Variants in PCSK5 observed in about 807,000 individuals in gnomAD.
PCSK5 encodes prohormone convertase 5.
A neutral mutation model predicts 233.2 loss-of-function variants in PCSK5; 129 were observed. The observed-to-expected ratio is 0.55, with a 90% CI of 0.48 to 0.64. PCSK5 has a LOEUF of 0.64. Ranked by LOEUF, PCSK5 falls within the 30% of genes least tolerant of loss-of-function variation. The probability of loss-of-function intolerance (pLI) is 0.00; values close to 1 mark genes in which losing one functional copy is unlikely to be tolerated. For missense variants in PCSK5, 2,076 were observed against 2,430.1 expected (o/e 0.85, Z 3.06); for synonymous variants, 825 against 879.2 (o/e 0.94, Z 1.09).
intron 4 of PCSK5, 88 bp from the exon 5 acceptor site, chr9:76,026,873 T>C: frequency 9.4e-6 from 8 of 851,802 alleles, no homozygotes; most frequent in Non-Finnish European, 1.5e-5. Context: ...CTGGCAGAAA[T>C]GTATTTAAAA....
chr9:75,943,216 A>T (rs189046307), intron 2 of PCSK5, among the ~76,000 whole-genome samples: 1 of 152,256 alleles, frequency 6.6e-6, no homozygotes, highest in East Asian at 1.9e-4. Context: ...CAGATTCTAA[A>T]AAGGTAGCTG....
intron 24 of PCSK5, among the ~76,000 whole-genome samples, chr9:76,246,449 A>C (rs1301220994): frequency 6.6e-6 from 1 of 152,058 alleles, no homozygotes; most frequent in African/African-American, 2.4e-5. Flanking sequence ...GTTGTAGGAA[A>C]GCAATCACCA....
intron 20 of PCSK5, among the ~76,000 whole-genome samples, chr9:76,197,028 G>A (rs1824732560): frequency 6.6e-6 from 1 of 152,202 alleles, no homozygotes; most frequent in Non-Finnish European, 1.5e-5. Context: ...ATTGGTCCCT[G>A]AAGCATGGAT....
chr9:76,175,743 CAGAAAAAAATAA>C (rs1823585202), intron 14 of PCSK5, among the ~76,000 whole-genome samples: 1 of 150,866 alleles, frequency 6.6e-6, no homozygotes, highest in Non-Finnish European at 1.5e-5. Flanking sequence ...TTCCTGCCAA[CAGAAAAAAATAA>C]AGAGAAAAAA....
Position 76,332,496 on chromosome 9 carries a change from C to T in PCSK5, c.4634C>T (p.Ala1545Val). 6.2e-7 allele frequency: 1 copy of T among 1,612,028 alleles called. No homozygotes were observed. Residue 1545 changes from alanine (A) to valine (V), a missense_variant, in exon 34 of 38, where the codon GCC (alanine) becomes GTC (valine). Coordinates refer to ENST00000674117, the MANE Select transcript of PCSK5 (RefSeq NM_001372043.1). Reference protein sequence around the residue: ...YYADEDSNRCAHCHSSCRTCE... With the variant: ...YYADEDSNRCVHCHSSCRTCE... ...GCCGATGAGGACAGCAACCGGTGTG[C>T]CCACTGCCACAGCTCTTGCAGGACA...
rs548096747 is a variant in PCSK5, at chr9:76,337,189, T to G, written c.4749-1041T>G. Among the ~76,000 whole-genome samples, 4 of 95,044 alleles carry G rather than the reference T, an allele frequency of 4.2e-5. No homozygotes were observed. The East Asian group carries it at 8.7e-4, about 21-fold the overall frequency. The allele number at this position is 95,044 out of a possible 152,430, so 62.4% of individuals were successfully genotyped here. On this transcript the variant is annotated intron_variant, in intron 34 of 37. Coordinates refer to ENST00000674117, the MANE Select transcript of PCSK5 (RefSeq NM_001372043.1). Reference sequence around the variant, plus strand: ...ATTTTATGTTATCTTTTATTGTATTTTATTTATGACAGTCTCACTCTGTCA... The same window carrying G: ...ATTTTATGTTATCTTTTATTGTATTGTATTTATGACAGTCTCACTCTGTCA...
intron 35 of PCSK5, among the ~76,000 whole-genome samples, chr9:76,339,251 TTG>T (rs1173103452): frequency 6.6e-6 from 1 of 152,172 alleles, no homozygotes; most frequent in Non-Finnish European, 1.5e-5. Context: ...TATATTTTAA[TTG>T]TTAAAACTTT....
chr9:76,263,432 G>A (rs971175726), intron 24 of PCSK5, among the ~76,000 whole-genome samples: 3 of 152,150 alleles, frequency 2.0e-5, no homozygotes, highest in South Asian at 2.1e-4. Flanking sequence ...TATACACCAC[G>A]GAATACTATA....
chr9:76,213,763 T>C (rs1233016576), intron 20 of PCSK5, among the ~76,000 whole-genome samples: 1 of 152,118 alleles, frequency 6.6e-6, no homozygotes, highest in Non-Finnish European at 1.5e-5. Flanking sequence ...CATTTTTCAT[T>C]TCTCTCGAAC....
intron 3 of PCSK5, among the ~76,000 whole-genome samples, chr9:76,021,552 C>A (rs1179718101): frequency 6.6e-6 from 1 of 151,956 alleles, no homozygotes; most frequent in Admixed American, 6.6e-5. Context: ...AGAAAGAAGT[C>A]AGGAAGATGG....
At chr9:75,965,641 C>A (rs1455357542) in intron 2 of PCSK5, among the ~76,000 whole-genome samples, 2 of 152,172 alleles carry the variant, frequency 1.3e-5, no homozygotes, top group Admixed American at 1.3e-4. Flanking sequence ...CTGATCCTAT[C>A]CAGAAACACC....
rs774774313 is a variant in PCSK5, at chr9:76,238,989, A to G, written c.2897A>G (p.Gln966Arg). Residue 966 changes from glutamine (Q) to arginine (R), a missense_variant, in exon 23 of 38, where the codon CAG (glutamine) becomes CGG (arginine). By Grantham distance (43) the Gln-to-Arg change is conservative. Transcript: ENST00000674117. The stretch of plus-strand genomic sequence containing the variant: ...TATGGCCGAGAGCACTTCCTGTACC[A>G]GGGAGAGTGTGGAGATAGCTGCCCA... ...DNYGREHFLYQGECGDSCPEG... is the reference protein window; with the variant it reads ...DNYGREHFLYRGECGDSCPEG... 1 of 1,612,338 alleles carries G rather than the reference A, an allele frequency of 6.2e-7. No homozygotes were observed. The highest frequency in any genetic ancestry group is 8.5e-7 in the Non-Finnish European group (1 of 1,179,710).
intron 32 of PCSK5, among the ~76,000 whole-genome samples, chr9:76,326,610 A>G (rs1379012587): frequency 6.6e-6 from 1 of 152,158 alleles, no homozygotes; most frequent in Non-Finnish European, 1.5e-5. Flanking sequence ...CTCCAGCCTC[A>G]ATTTCCTGAT....
intron 5 of PCSK5, among the ~76,000 whole-genome samples, chr9:76,046,183 T>TTTTTTTTTTTTTG (rs1829381261): frequency 8.3e-6 from 1 of 120,554 alleles, no homozygotes. Context: ...TTTTTTTTTT[T>TTTTTTTTTTTTTG]TTTTTTTTTT....
chr9:76,177,647 A>T (rs756233520), intron 14 of PCSK5, among the ~76,000 whole-genome samples: 1 of 152,246 alleles, frequency 6.6e-6, no homozygotes, highest in South Asian at 2.1e-4. Context: ...TCCAAAAAAC[A>T]TAAATAGAGT....
rs564356028 is a variant in PCSK5, at chr9:75,894,633, A to G, written c.192+3260A>G. Among the ~76,000 whole-genome samples, 4 of 152,308 alleles carry G rather than the reference A, an allele frequency of 2.6e-5. No individual in the cohort carries two copies. In the East Asian group the frequency reaches 7.7e-4, roughly 29 times the overall value. On this transcript the variant is annotated intron_variant, in intron 1 of 37. Transcript: ENST00000674117. The stretch of plus-strand genomic sequence containing the variant: ...TAGCATATATTATCTTTTGGTTGGT[A>G]TCGGAGTCAGCTGCAGAATGCCCTG...
chr9:76,131,217 A>T (rs1822751011), intron 9 of PCSK5, among the ~76,000 whole-genome samples: 1 of 152,144 alleles, frequency 6.6e-6, no homozygotes, highest in South Asian at 2.1e-4. Context: ...GAAAAGTAAG[A>T]TGTGAATCAG....
intron 12 of PCSK5, among the ~76,000 whole-genome samples, chr9:76,169,248 T>C (rs926894894): frequency 6.6e-6 from 1 of 152,214 alleles, no homozygotes; most frequent in Non-Finnish European, 1.5e-5. Flanking sequence ...ATGTCTTCAT[T>C]TATCTTGTTT....
intron 7 of PCSK5, among the ~76,000 whole-genome samples, chr9:76,073,267 G>A (rs1369522454): frequency 3.9e-5 from 6 of 152,200 alleles, no homozygotes; most frequent in Admixed American, 3.3e-4. Context: ...ATAGAAGACT[G>A]TGCTAAGCTG....
Sources: allele counts gnomAD v4.1 joint callset (sites outside exome capture counted in the v4.1 genomes callset), GRCh38; gene constraint gnomAD v4.1.1; transcripts MANE v1.5; gene names NCBI Gene and HGNC (gene_info 2026-07-23, HGNC 2026-07-21).